Variants in NAA60 observed in about 807,000 individuals in gnomAD.
The protein encoded by NAA60 is N-alpha-acetyltransferase 60.
A neutral mutation model predicts 26.1 loss-of-function variants in NAA60; 8 were observed. That is an observed-to-expected ratio of 0.31 (90% confidence interval 0.18 to 0.55). The LOEUF (loss-of-function observed/expected upper bound fraction) is 0.55. Among genes scored for constraint, NAA60 ranks in the 20% least tolerant of loss-of-function variants. NAA60 has a pLI of 0.93. For missense variants in NAA60, 290 were observed against 311.3 expected (o/e 0.93, Z 0.51); for synonymous variants, 131 against 122.5 (o/e 1.07, Z -0.46).
At position 3,452,205 on chromosome 16, in the gene NAA60, C is replaced by T. The variant is rs149725956; in HGVS notation, c.-7+3665C>T. Among the ~76,000 whole-genome samples, 315 of 152,086 alleles carry T rather than the reference C, an allele frequency of 2.1e-3. 1 individual carries two copies. The highest frequency in any genetic ancestry group is 3.5e-3 in the Non-Finnish European group (241 of 67,974). On this transcript the variant is annotated intron_variant, in intron 2 of 7. Transcript: ENST00000407558. The stretch of plus-strand genomic sequence containing the variant: ...TCCAACTTGGATGACAGAGTGAGAC[C>T]TTGTCTCAAAAAAATTAAAAAAGAC...
intron 2 of NAA60, among the ~76,000 whole-genome samples, chr16:3,450,560 C>CGTG (rs1420465649): frequency 6.6e-6 from 1 of 151,844 alleles, no homozygotes. Context: ...ATTAGCCGAG[C>CGTG]GTGGTGGTGG....
At chr16:3,457,913 TCCCAACCTGCCC>T in intron 2 of NAA60, 3 of 402,366 alleles carry the variant, frequency 7.5e-6, no homozygotes, top group East Asian at 2.8e-4. Context: ...GCCTGCCCGC[TCCCAACCTGCCC>T]GCTCCCAACA....
intron 2 of NAA60, among the ~76,000 whole-genome samples, chr16:3,455,853 C>A (rs575955353): frequency 6.6e-6 from 1 of 151,862 alleles, no homozygotes; most frequent in Admixed American, 6.6e-5. Flanking sequence ...ATTACAGGCA[C>A]GCACCACTAT....
chr16:3,471,510 T>C (rs2036143193), intron 2 of NAA60, among the ~76,000 whole-genome samples: 1 of 151,784 alleles, frequency 6.6e-6, no homozygotes, highest in South Asian at 2.1e-4. Context: ...TCTCAAAAAA[T>C]AATAATAATA....
chr16:3,484,830 G>C lies in NAA60; in HGVS notation c.704G>C (p.Gly235Ala). 2 of 1,568,080 alleles carry C rather than the reference G, an allele frequency of 1.3e-6. No homozygotes were observed. The highest frequency in any genetic ancestry group is 2.7e-5 in the African/African-American group (2 of 73,742). ...LPWSGISSKS[G>A]IEYSRTM The stretch of plus-strand genomic sequence containing the variant: ...TGGTCGGGCATCTCTTCCAAGAGTG[G>C]CATCGAGTACAGCCGGACCATGTGA... Residue 235 changes from glycine (G) to alanine (A), a missense_variant, in exon 7 of 8, where the codon GGC (glycine) becomes GCC (alanine). Physicochemically the swap from Gly to Ala is moderately conservative, Grantham distance 60. Transcript: ENST00000407558.
At chr16:3,464,103 G>C (rs550757683) in intron 2 of NAA60, among the ~76,000 whole-genome samples, 3 of 152,098 alleles carry the variant, frequency 2.0e-5, no homozygotes, top group South Asian at 2.1e-4. Flanking sequence ...ATGAAGTCTC[G>C]GCTCACTGCA....
intron 2 of NAA60, among the ~76,000 whole-genome samples, chr16:3,463,704 A>T (rs1013909599): frequency 2.9e-5 from 2 of 69,724 alleles, no homozygotes; most frequent in Non-Finnish European, 6.5e-5. Flanking sequence ...GTCTCTACTT[A>T]AAAAAAAAAA....
chr16:3,443,917 G>A (rs1473074170), intron 1 of NAA60, 80 bp downstream of exon 1: 2 of 1,463,132 alleles, frequency 1.4e-6, no homozygotes, highest in East Asian at 2.6e-5. Flanking sequence ...CGGGGGTTCG[G>A]GCCTAGCCTG....
At position 3,486,248 on chromosome 16, in the gene NAA60, C is replaced by T. The variant is rs1434694666; in HGVS notation, c.*988C>T. ...AGTGCCGCAGGTGCATCACATACTT[C>T]TAGCATCCTCTCCACCCTGCATTCC... On this transcript the variant is annotated 3_prime_UTR_variant, in exon 8 of 8. Coordinates refer to ENST00000407558, the MANE Select transcript of NAA60 (RefSeq NM_001083601.3). 2.6e-5 allele frequency: 4 copies of T among 155,060 alleles called. No homozygotes were observed. The highest frequency in any genetic ancestry group is 1.9e-4 in the East Asian group (1 of 5,206). The allele number at this position is 155,060 out of a possible 1,614,324, so 9.6% of individuals were successfully genotyped here. A position where few individuals can be genotyped will look rare whatever the true frequency, so the allele number is the denominator to read the frequency against.
chr16:3,464,480 C>T (rs1039254222), intron 2 of NAA60, among the ~76,000 whole-genome samples: 1 of 152,202 alleles, frequency 6.6e-6, no homozygotes, highest in Admixed American at 6.5e-5. Context: ...CCGACCCTCT[C>T]TTGCTGGGCT....
chr16:3,473,128 C>T (rs1350611253), intron 2 of NAA60, among the ~76,000 whole-genome samples: 6 of 152,116 alleles, frequency 3.9e-5, no homozygotes, highest in African/African-American at 1.2e-4. Flanking sequence ...CTCTGCCACC[C>T]GGGTTCAAGC....
chr16:3,448,430 C>T, intron 1 of NAA60, 41 bp from the exon 2 acceptor site: 1 of 1,499,974 alleles, frequency 6.7e-7, no homozygotes, highest in Non-Finnish European at 9.0e-7. Flanking sequence ...GATGGGATGG[C>T]CAGGAGTGAA....
At chr16:3,467,719 C>G (rs958901765) in intron 2 of NAA60, 1 of 152,204 alleles carries the variant, frequency 6.6e-6, no homozygotes, top group African/African-American at 2.4e-5. Context: ...GGATGGCAGA[C>G]ACACCTGTGG....
chr16:3,458,828 G>C (rs771727980), intron 2 of NAA60, among the ~76,000 whole-genome samples: 1 of 152,196 alleles, frequency 6.6e-6, no homozygotes, highest in Non-Finnish European at 1.5e-5. Context: ...TTCTTCTCCA[G>C]ATTGGGTACT....
rs973851044 is a variant in NAA60, at chr16:3,448,468, C to T, written c.-76-3C>T. 4 of 1,535,196 alleles carry T rather than the reference C, an allele frequency of 2.6e-6. No homozygotes were observed. In the African/African-American group the frequency reaches 5.5e-5, roughly 21 times the overall value. On this transcript the variant is annotated splice_polypyrimidine_tract_variant and splice_region_variant and intron_variant, in intron 1 of 7. Coordinates refer to ENST00000407558, the MANE Select transcript of NAA60 (RefSeq NM_001083601.3). ...GATGGCCTTGTGTCTTTCTCCCCTGCAGCATACAGAAAGGCTGTACCTGGA... is the reference window on the plus strand; with the variant it reads ...GATGGCCTTGTGTCTTTCTCCCCTGTAGCATACAGAAAGGCTGTACCTGGA...
chr16:3,443,633 G>C (rs1209032691), upstream of NAA60: 3 of 1,015,258 alleles, frequency 3.0e-6, no homozygotes, highest in African/African-American at 4.9e-5. Context: ...GTAGCCACTG[G>C]GCAGCTGCGA....
At chr16:3,461,694 T>C (rs970212105) in intron 2 of NAA60, among the ~76,000 whole-genome samples, 7 of 152,142 alleles carry the variant, frequency 4.6e-5, no homozygotes, top group Admixed American at 3.3e-4. Context: ...AAAGTTGCAA[T>C]GAAGAGGAGG....
At chr16:3,458,249 G>C (rs2035117867) in intron 2 of NAA60, 1 of 933,126 alleles carries the variant, frequency 1.1e-6, no homozygotes, top group South Asian at 4.9e-5. Context: ...CGGGGTAGGC[G>C]GGGAGGCCGC....
At chr16:3,447,942 A>G (rs1023136712) in intron 1 of NAA60, among the ~76,000 whole-genome samples, 1 of 152,184 alleles carries the variant, frequency 6.6e-6, no homozygotes, top group African/African-American at 2.4e-5. Flanking sequence ...GGTCTGTGTT[A>G]ACTCCCAACA....
Sources: gnomAD v4.1 joint callset for allele counts (sites outside exome capture counted in the v4.1 genomes callset) on GRCh38, gnomAD v4.1.1 for gene constraint, MANE v1.5 for transcripts, NCBI Gene and HGNC (gene_info 2026-07-23, HGNC 2026-07-21) for gene names.